Variants in RABGAP1L observed in about 807,000 individuals in gnomAD.
RABGAP1L encodes rab GTPase-activating protein 1-like.
RABGAP1L carries 63 observed loss-of-function variants against 137.7 expected under a neutral mutation model. The ratio of observed to expected loss-of-function variants is 0.46; its 90% confidence interval spans 0.37 to 0.56. RABGAP1L has a LOEUF of 0.56. RABGAP1L is among the 20% of genes least tolerant of loss of function. The pLI is 0.00. For synonymous variants in RABGAP1L, 431 were observed against 433.7 expected (o/e 0.99, Z 0.08); for missense variants, 1,095 against 1,244.0 (o/e 0.88, Z 1.80).
In RABGAP1L at chr1:174,992,225, G is replaced by C. The variant is rs1350035690; in HGVS notation, c.*2224G>C. 6.6e-6 allele frequency: 1 copy of C among 152,176 alleles called. No homozygotes were observed. The highest frequency in any genetic ancestry group is 1.5e-5 in the Non-Finnish European group (1 of 68,084). 9.4% of individuals were successfully genotyped at this position (152,176 alleles called of 1,614,324 possible). A position where few individuals can be genotyped will look rare whatever the true frequency, so the allele number is the denominator to read the frequency against. On this transcript the variant is annotated 3_prime_UTR_variant, in exon 26 of 26. Transcript: ENST00000681986. The stretch of plus-strand genomic sequence containing the variant: ...AGGCTGAGGTGGGTGGATCACCTAA[G>C]GTCAGGAGTTTGAGACCAGCCTGGC...
intron 1 of RABGAP1L, among the ~76,000 whole-genome samples, chr1:174,205,687 G>T (rs1395473667): frequency 1.3e-5 from 2 of 151,816 alleles, no homozygotes; most frequent in African/African-American, 4.8e-5. Context: ...CTAGCTAGTG[G>T]CCTATGTATC....
intron 19 of RABGAP1L, among the ~76,000 whole-genome samples, chr1:174,879,930 A>T (rs932566278): frequency 6.6e-6 from 1 of 152,060 alleles, no homozygotes; most frequent in Non-Finnish European, 1.5e-5. Flanking sequence ...TGTCTCTACT[A>T]AAAATAACAA....
chr1:174,688,032 C>A (rs1678607529), intron 15 of RABGAP1L, among the ~76,000 whole-genome samples: 1 of 152,156 alleles, frequency 6.6e-6, no homozygotes, highest in African/African-American at 2.4e-5. Flanking sequence ...TAGACTCTTA[C>A]ATCCATTTAT....
intron 13 of RABGAP1L, chr1:174,548,603 G>C: frequency 1.0e-6 from 1 of 957,936 alleles, no homozygotes; most frequent in Non-Finnish European, 1.2e-6. Context: ...ACAGAAATTT[G>C]CAGAGGGCTT....
chr1:174,266,947 A>G (rs1475868308), intron 7 of RABGAP1L, among the ~76,000 whole-genome samples: 1 of 152,208 alleles, frequency 6.6e-6, no homozygotes, highest in Admixed American at 6.5e-5. Context: ...AGGCCTGTAT[A>G]AAGTTGTGAT....
At chr1:174,173,119 C>A (rs185916814) in intron 1 of RABGAP1L, among the ~76,000 whole-genome samples, 7 of 151,598 alleles carry the variant, frequency 4.6e-5, no homozygotes, top group African/African-American at 1.7e-4. Context: ...TTTTCCCCTC[C>A]AAGTTAAAAA....
chr1:174,885,840 G>A lies in RABGAP1L; in HGVS notation c.2341-71617G>A, dbSNP rs571580590. Among the ~76,000 whole-genome samples the A allele has an allele frequency of 1.2e-4, 18 of 151,950 alleles. No individual in the cohort carries two copies. The East Asian group carries it at 2.4e-3, about 20-fold the overall frequency. Reference sequence around the variant, plus strand: ...AAATTAGCCGGGCATGGTGGCGGGCGCCTGTAGTCCCAGCTACTCGGGAGG... The same window carrying A: ...AAATTAGCCGGGCATGGTGGCGGGCACCTGTAGTCCCAGCTACTCGGGAGG... On this transcript the variant is annotated intron_variant, in intron 19 of 25. Coordinates refer to ENST00000681986, the MANE Select transcript of RABGAP1L (RefSeq NM_001366446.1).
At chr1:174,420,437 A>T (rs1415792222) in intron 13 of RABGAP1L, among the ~76,000 whole-genome samples, 1 of 152,170 alleles carries the variant, frequency 6.6e-6, no homozygotes, top group South Asian at 2.1e-4. Context: ...AGAGATAATG[A>T]TATGAATCTT....
chr1:174,936,942 G>A (rs1339042671), intron 19 of RABGAP1L, among the ~76,000 whole-genome samples: 2 of 149,442 alleles, frequency 1.3e-5, no homozygotes, highest in Non-Finnish European at 3.0e-5. Flanking sequence ...TAGTGAGAAT[G>A]AGGAAGGACC....
chr1:174,574,288 A>C (rs1008235266), intron 13 of RABGAP1L, among the ~76,000 whole-genome samples: 11 of 152,222 alleles, frequency 7.2e-5, no homozygotes, highest in African/African-American at 2.7e-4. Flanking sequence ...GATATGTGTA[A>C]AAGAAAGATG....
At chr1:174,426,935 A>G (rs1239286409) in intron 13 of RABGAP1L, among the ~76,000 whole-genome samples, 1 of 152,100 alleles carries the variant, frequency 6.6e-6, no homozygotes, top group Non-Finnish European at 1.5e-5. Flanking sequence ...AGATCAGTCA[A>G]TCATAACAAT....
chr1:174,829,162 T>A (rs1247126832), intron 19 of RABGAP1L, among the ~76,000 whole-genome samples: 1 of 147,676 alleles, frequency 6.8e-6, no homozygotes, highest in Non-Finnish European at 1.5e-5. Context: ...AGTAGATGAA[T>A]CAAGGAGTCC....
chr1:174,886,418 G>T (rs1434923066), intron 19 of RABGAP1L, among the ~76,000 whole-genome samples: 3 of 152,176 alleles, frequency 2.0e-5, no homozygotes, highest in Non-Finnish European at 4.4e-5. Context: ...TTACAAACAG[G>T]ATTTACAGCA....
chr1:174,195,305 A>G (rs1052318312), intron 1 of RABGAP1L, among the ~76,000 whole-genome samples: 15 of 152,210 alleles, frequency 9.9e-5, no homozygotes, highest in African/African-American at 3.6e-4. Context: ...CTCTTTGTAG[A>G]TAATCTTTTT....
intron 19 of RABGAP1L, among the ~76,000 whole-genome samples, chr1:174,887,456 T>C (rs1655350124): frequency 6.6e-6 from 1 of 152,170 alleles, no homozygotes; most frequent in Non-Finnish European, 1.5e-5. Flanking sequence ...CCATTATTCA[T>C]TTTACTGGAA....
chr1:174,852,021 A>ACTG (rs1233126785), intron 19 of RABGAP1L, among the ~76,000 whole-genome samples: 1 of 152,172 alleles, frequency 6.6e-6, no homozygotes, highest in Non-Finnish European at 1.5e-5. Flanking sequence ...TTTATCCAAG[A>ACTG]CTGAATAAAG....
chr1:174,327,970 T>TAC lies in RABGAP1L; in HGVS notation c.1465+22844_1465+22845insCA, dbSNP rs1288411915. 2.1e-3 allele frequency among the ~76,000 whole-genome samples: 32 copies of TAC among 15,242 alleles called. 2 individuals are homozygous for TAC. Among genetic ancestry groups the TAC allele is most frequent in the African/African-American group, 0.015 (31 of 2,110 alleles). The allele number at this position is 15,242 out of a possible 152,430, so 10.0% of individuals were successfully genotyped here. On this transcript the variant is annotated intron_variant, in intron 11 of 25. Coordinates refer to ENST00000681986, the MANE Select transcript of RABGAP1L (RefSeq NM_001366446.1). ...TAACAGTTGTAAATATATATATATATATATATATACACACACATATATATA... is the reference window on the plus strand; with the variant it reads ...TAACAGTTGTAAATATATATATATATACATATATATACACACACATATATATA...
At chr1:174,451,884 C>T (rs1458306569) in intron 13 of RABGAP1L, among the ~76,000 whole-genome samples, 1 of 152,032 alleles carries the variant, frequency 6.6e-6, no homozygotes, top group Admixed American at 6.6e-5. Flanking sequence ...TGTTATTTCC[C>T]TTGAATACCT....
chr1:174,468,417 T>C (rs962151717), intron 13 of RABGAP1L, among the ~76,000 whole-genome samples: 2 of 152,150 alleles, frequency 1.3e-5, no homozygotes, highest in Non-Finnish European at 2.9e-5. Flanking sequence ...TGCTTTATTA[T>C]AATAATTCAT....
Sources: allele counts gnomAD v4.1 joint callset (sites outside exome capture counted in the v4.1 genomes callset), GRCh38; gene constraint gnomAD v4.1.1; transcripts MANE v1.5; gene names NCBI Gene and HGNC (gene_info 2026-07-23, HGNC 2026-07-21).